The following MECOM variants were observed in gnomAD, a reference collection of about 807,000 sequenced individuals.
MECOM encodes MDS1 and EVI1 complex locus.
In MECOM, 13 loss-of-function variants were observed where a neutral mutation model predicts 116.3. The observed-to-expected ratio is 0.11, with a 90% CI of 0.07 to 0.18. The LOEUF (loss-of-function observed/expected upper bound fraction) is 0.18. Among genes scored for constraint, MECOM ranks in the 10% least tolerant of loss-of-function variants. The pLI, the probability that MECOM is intolerant of heterozygous loss-of-function variation, is 1.00. For synonymous variants in MECOM, 528 were observed against 535.2 expected (o/e 0.99, Z 0.19); for missense variants, 1,299 against 1,509.0 (o/e 0.86, Z 2.31).
intron 1 of MECOM, among the ~76,000 whole-genome samples, chr3:169,532,882 T>C (rs9881254): frequency 0.027 from 4,078 of 152,138 alleles, 187 homozygotes; most frequent in African/African-American, 0.094. Flanking sequence ...TGAAAGAGAA[T>C]CATGGATTTT....
rs145548150 is a variant in MECOM, at chr3:169,278,584, G to A, written c.375+102603C>T. On this transcript the variant is annotated intron_variant, in intron 2 of 16. Transcript: ENST00000651503. ...TAAGGATGGTTTCCAAAGGTTAGCTGGAAAGTTTTATCAGGTTCATCTATA... is the reference window on the plus strand; with the variant it reads ...TAAGGATGGTTTCCAAAGGTTAGCTAGAAAGTTTTATCAGGTTCATCTATA... Among the ~76,000 whole-genome samples, 667 of 152,246 alleles carry A rather than the reference G, an allele frequency of 4.4e-3. 3 individuals are homozygous for A. Among genetic ancestry groups the A allele is most frequent in the Middle Eastern group, 0.01 (3 of 294 alleles).
At chr3:169,179,059 G>T (rs1236839618) in intron 2 of MECOM, among the ~76,000 whole-genome samples, 1 of 151,930 alleles carries the variant, frequency 6.6e-6, no homozygotes, top group African/African-American at 2.4e-5. Flanking sequence ...ACAAAAGTGT[G>T]GTTAAAAATC....
intron 1 of MECOM, among the ~76,000 whole-genome samples, chr3:169,613,351 A>T (rs1379570433): frequency 6.6e-6 from 1 of 152,206 alleles, no homozygotes; most frequent in Non-Finnish European, 1.5e-5. Flanking sequence ...TGTTTTTAAC[A>T]TCGGGGCGGA....
chr3:169,576,830 C>G (rs201549872), intron 1 of MECOM, among the ~76,000 whole-genome samples: 3,116 of 97,162 alleles, frequency 0.032, 56 homozygotes, highest in South Asian at 0.064. Flanking sequence ...CACACACACA[C>G]ACACACACAG....
intron 2 of MECOM, among the ~76,000 whole-genome samples, chr3:169,188,623 T>C (rs1474137927): frequency 2.0e-5 from 3 of 152,002 alleles, no homozygotes; most frequent in African/African-American, 7.2e-5. Flanking sequence ...GGACATCGGG[T>C]TGTGATCATA....
In MECOM at chr3:169,403,216, T is replaced by G. The variant is rs111954056; in HGVS notation, c.38-21692A>C. Among the ~76,000 whole-genome samples, 291 of 152,322 alleles carry G rather than the reference T, an allele frequency of 1.9e-3. 2 individuals carry two copies. Among genetic ancestry groups the G allele is most frequent in the African/African-American group, 6.6e-3 (273 of 41,570 alleles). On this transcript the variant is annotated intron_variant, in intron 1 of 16. Coordinates refer to ENST00000651503, the MANE Select transcript of MECOM (RefSeq NM_004991.4). ...CAGCCCACAGGTCCCTCAGCCTATG[T>G]GCCTTCTTCCCCAAAGGAGATCTGA...
intron 14 of MECOM, among the ~76,000 whole-genome samples, chr3:169,092,135 A>G (rs1037070708): frequency 4.6e-5 from 7 of 152,108 alleles, no homozygotes; most frequent in Admixed American, 4.6e-4. Flanking sequence ...ACTGTTAAGT[A>G]TTATCATTAA....
intron 1 of MECOM, among the ~76,000 whole-genome samples, chr3:169,446,414 G>C (rs1744637973): frequency 1.3e-5 from 2 of 152,118 alleles, no homozygotes; most frequent in African/African-American, 4.8e-5. Flanking sequence ...GCCCTGCCAT[G>C]ATTCTGAGGC....
chr3:169,640,633 T>G (rs905543464), intron 1 of MECOM, among the ~76,000 whole-genome samples: 1 of 152,214 alleles, frequency 6.6e-6, no homozygotes, highest in African/African-American at 2.4e-5. Flanking sequence ...AATTTCAAAG[T>G]GCTAAGCACA....
At chr3:169,532,629 G>A (rs1012281845) in intron 1 of MECOM, among the ~76,000 whole-genome samples, 1 of 152,054 alleles carries the variant, frequency 6.6e-6, no homozygotes, top group Admixed American at 6.6e-5. Flanking sequence ...AAAATCCCTG[G>A]GAGCACCTAG....
chr3:169,107,708 C>G (rs920766674), intron 10 of MECOM, among the ~76,000 whole-genome samples: 1 of 152,106 alleles, frequency 6.6e-6, no homozygotes, highest in Non-Finnish European at 1.5e-5. Context: ...TCAGATTTAT[C>G]GAATAAAATC....
At chr3:169,663,225 CG>C in intron 1 of MECOM, 110 bp downstream of exon 1, 1 of 1,312,778 alleles carries the variant, frequency 7.6e-7, no homozygotes. Flanking sequence ...GCCCTCCACC[CG>C]GGGCCCCGGC....
At position 169,143,749 on chromosome 3, in the gene MECOM, G is replaced by C. The variant is rs199656825; in HGVS notation, c.459C>G (p.Phe153Leu). 6.2e-7 allele frequency: 1 copy of C among 1,611,240 alleles called. No individual in the cohort carries two copies. The highest frequency in any genetic ancestry group is 8.5e-7 in the Non-Finnish European group (1 of 1,178,688). Residue 153 changes from phenylalanine to leucine, a missense_variant, in exon 3 of 17, where the codon TTC becomes TTG. By Grantham distance (22) the Phe-to-Leu change is conservative. Transcript: ENST00000651503. ...GGTTGTGCTGATCATAACAGCCAGC[G>C]AATCTAATGTACTTGAGCCAGCTTC... ...DVGSWLKYIR[F>L]AGCYDQHNLV...
At chr3:169,158,462 G>A (rs1260862747) in intron 2 of MECOM, among the ~76,000 whole-genome samples, 2 of 152,164 alleles carry the variant, frequency 1.3e-5, no homozygotes, top group South Asian at 2.1e-4. Context: ...CCAGGAAAGA[G>A]CATGAGACGG....
chr3:169,198,908 TG>T (rs111848435), intron 2 of MECOM, among the ~76,000 whole-genome samples: 18 of 151,916 alleles, frequency 1.2e-4, no homozygotes, highest in African/African-American at 2.9e-4. Context: ...ATCCTTCCTG[TG>T]GAAAAAAAAA....
At chr3:169,119,929 A>G (rs1019469956) in intron 7 of MECOM, among the ~76,000 whole-genome samples, 1 of 152,200 alleles carries the variant, frequency 6.6e-6, no homozygotes, top group African/African-American at 2.4e-5. Context: ...TGGAAAAGGA[A>G]AGAAAAGCTA....
Position 169,097,817 on chromosome 3 carries a change from T to TAAAA in MECOM, c.2850-2576_2850-2573dup, listed in dbSNP as rs539873617. Among the ~76,000 whole-genome samples the TAAAA allele has an allele frequency of 7.5e-4, 65 of 87,198 alleles. 1 individual carries two copies. Among genetic ancestry groups the TAAAA allele is most frequent in the African/African-American group, 2.0e-3 (51 of 25,394 alleles). 57.2% of individuals were successfully genotyped at this position (87,198 alleles called of 152,430 possible). A position where few individuals can be genotyped will look rare whatever the true frequency, so the allele number is the denominator to read the frequency against. ...AACAGAGTGAGACCTACTGTCTATA[T>TAAAA]AAAAAAAAAAAAAAAAAAAAAAAGG... On this transcript the variant is annotated intron_variant, in intron 12 of 16. Transcript: ENST00000651503.
chr3:169,375,436 G>A (rs1036737804), intron 2 of MECOM, among the ~76,000 whole-genome samples: 23 of 151,762 alleles, frequency 1.5e-4, no homozygotes, highest in African/African-American at 5.3e-4. Flanking sequence ...CCACTAGCCA[G>A]ACTAACCAAG....
At chr3:169,454,740 C>G (rs1469466848) in intron 1 of MECOM, among the ~76,000 whole-genome samples, 1 of 152,112 alleles carries the variant, frequency 6.6e-6, no homozygotes, top group Non-Finnish European at 1.5e-5. Flanking sequence ...TGACCACTTT[C>G]TCAAACAATA....
Sources: gnomAD v4.1 joint callset for allele counts (sites outside exome capture counted in the v4.1 genomes callset) on GRCh38, gnomAD v4.1.1 for gene constraint, MANE v1.5 for transcripts, NCBI Gene and HGNC (gene_info 2026-07-23, HGNC 2026-07-21) for gene names.